Variants in AFF4 observed in about 807,000 individuals in gnomAD.
The protein encoded by AFF4 is ALF transcription elongation factor 4, also known as AF4/FMR2 family member 4.
A neutral mutation model predicts 124.8 loss-of-function variants in AFF4; 13 were observed. That is an observed-to-expected ratio of 0.10 (90% CI 0.07 to 0.17). The LOEUF (loss-of-function observed/expected upper bound fraction) is 0.17, where lower values mean the gene tolerates loss of function less well. Ranked by LOEUF, AFF4 falls within the 10% of genes least tolerant of loss-of-function variation. AFF4 has a pLI of 1.00. For missense variants in AFF4, 1,092 were observed against 1,403.8 expected (o/e 0.78, Z 3.55); for synonymous variants, 477 against 496.1 (o/e 0.96, Z 0.51).
At chr5:132,921,862 C>A (rs1761056633) in intron 5 of AFF4, among the ~76,000 whole-genome samples, 3 of 152,012 alleles carry the variant, frequency 2.0e-5, no homozygotes, top group Admixed American at 2.0e-4. Context: ...CTCACTGCAG[C>A]CTCAACCAGC....
chr5:132,916,238 CAAAAAAAAAAAAAAA>C lies in AFF4; in HGVS notation c.1050+10868_1050+10882del, dbSNP rs70974061. On this transcript the variant is annotated intron_variant, in intron 5 of 20. Transcript: ENST00000265343. ...TGGGTGACAGAGTAAGATGCTGTCT[CAAAAAAAAAAAAAAA>C]AAAAAAAAAAAAAGAATCACTTAAG... Among the ~76,000 whole-genome samples, 39 of 50,686 alleles carry C rather than the reference CAAAAAAAAAAAAAAA, an allele frequency of 7.7e-4. No individual in the cohort carries two copies. In the South Asian group the frequency reaches 0.027, roughly 35 times the overall value. The allele number at this position is 50,686 out of a possible 152,430, so 33.3% of individuals were successfully genotyped here.
At chr5:132,955,795 A>AATATAT (rs966690877) in intron 1 of AFF4, among the ~76,000 whole-genome samples, 48 of 117,504 alleles carry the variant, frequency 4.1e-4, no homozygotes, top group African/African-American at 1.4e-3. Flanking sequence ...AAAAAAAAAA[A>AATATAT]ATATATATAT....
At chr5:132,909,074 A>T (rs1335118518) in intron 5 of AFF4, among the ~76,000 whole-genome samples, 3 of 151,392 alleles carry the variant, frequency 2.0e-5, no homozygotes, top group African/African-American at 7.3e-5. Flanking sequence ...CAGCCGCTCA[A>T]GCATATCTTT....
intron 1 of AFF4, among the ~76,000 whole-genome samples, chr5:132,950,488 T>C (rs928444805): frequency 1.4e-5 from 2 of 147,070 alleles, no homozygotes; most frequent in East Asian, 2.0e-4. Flanking sequence ...AATAAATAAA[T>C]AAACAAGCAA....
intron 19 of AFF4, 65 bp from the exon 20 acceptor site, chr5:132,883,625 C>G (rs2150063822): frequency 7.3e-7 from 1 of 1,378,350 alleles, no homozygotes; most frequent in East Asian, 2.4e-5. Context: ...TCAAGTACTA[C>G]TAGCTCTTTC....
At chr5:132,949,698 A>ACGCGCG (rs1435946647) in intron 1 of AFF4, among the ~76,000 whole-genome samples, 7 of 142,036 alleles carry the variant, frequency 4.9e-5, no homozygotes, top group African/African-American at 2.0e-4. Context: ...ACACACACAC[A>ACGCGCG]CACGCGCGCG....
intron 1 of AFF4, among the ~76,000 whole-genome samples, chr5:132,952,494 C>T (rs192120074): frequency 6.6e-6 from 1 of 152,354 alleles, no homozygotes; most frequent in East Asian, 1.9e-4. Flanking sequence ...CTGGCTCTTC[C>T]CATCCTACCT....
chr5:132,885,484 G>C (rs1480884613), intron 18 of AFF4, among the ~76,000 whole-genome samples: 2 of 131,606 alleles, frequency 1.5e-5, no homozygotes, highest in Non-Finnish European at 3.2e-5. Context: ...TGGGTGGGTG[G>C]GTGGGGAGAG....
At chr5:132,926,914 C>A (rs904110248) in intron 5 of AFF4, 5 of 479,346 alleles carry the variant, frequency 1.0e-5, no homozygotes, top group East Asian at 7.8e-5. Context: ...TTTCTTAATA[C>A]CTCTTGATCC....
chr5:132,886,853 T>G (rs1037451967), intron 17 of AFF4, among the ~76,000 whole-genome samples: 1 of 152,218 alleles, frequency 6.6e-6, no homozygotes, highest in Admixed American at 6.5e-5. Context: ...TGGTCTTCTT[T>G]TAGTTCCTTG....
chr5:132,905,612 G>A (rs1004743438), intron 5 of AFF4, among the ~76,000 whole-genome samples: 4 of 151,782 alleles, frequency 2.6e-5, no homozygotes, highest in Admixed American at 6.6e-5. Flanking sequence ...AATATCCATG[G>A]GCAAAATAAA....
intron 4 of AFF4, among the ~76,000 whole-genome samples, chr5:132,928,376 A>T (rs1372846538): frequency 6.6e-6 from 1 of 152,136 alleles, no homozygotes; most frequent in African/African-American, 2.4e-5. Context: ...CCAAAAAAAT[A>T]TTTCCACAAG....
intron 5 of AFF4, among the ~76,000 whole-genome samples, chr5:132,912,887 G>T (rs1423091973): frequency 6.7e-6 from 1 of 148,264 alleles, no homozygotes; most frequent in African/African-American, 2.5e-5. Context: ...ACACACAAAA[G>T]GGCTGATGAG....
chr5:132,944,574 G>C (rs1240602287), intron 1 of AFF4, among the ~76,000 whole-genome samples: 5 of 152,168 alleles, frequency 3.3e-5, no homozygotes, highest in Non-Finnish European at 7.3e-5. Context: ...TTGAGCCTGA[G>C]AGGTGGAAGT....
intron 1 of AFF4, among the ~76,000 whole-genome samples, chr5:132,954,240 ATTAG>A (rs754647622): frequency 6.6e-6 from 1 of 152,246 alleles, no homozygotes; most frequent in Non-Finnish European, 1.5e-5. Context: ...ATCATCAGGC[ATTAG>A]TTAGATTCTC....
chr5:132,889,910 T>C (rs1461735316), intron 13 of AFF4, among the ~76,000 whole-genome samples: 1 of 152,102 alleles, frequency 6.6e-6, no homozygotes, highest in Non-Finnish European at 1.5e-5. Context: ...GCCGGGACCA[T>C]GGGCATGTAC....
chr5:132,962,888 G>A (rs556829339), intron 1 of AFF4, among the ~76,000 whole-genome samples: 2 of 150,870 alleles, frequency 1.3e-5, no homozygotes, highest in Non-Finnish European at 2.9e-5. Context: ...GCTGGGTAAT[G>A]TTAGCCAGAA....
At chr5:132,914,499 G>T (rs1342583066) in intron 5 of AFF4, among the ~76,000 whole-genome samples, 2 of 150,936 alleles carry the variant, frequency 1.3e-5, no homozygotes, top group Non-Finnish European at 3.0e-5. Flanking sequence ...TACTCAGGAG[G>T]CTGAGGCAGG....
At chr5:132,898,490 CTT>C (rs34333760) in intron 9 of AFF4, 98 bp from the exon 10 acceptor site, 17,426 of 964,454 alleles carry the variant, frequency 0.018, no homozygotes, top group South Asian at 0.028. Context: ...TTCTTCTTGT[CTT>C]TTTTTTTTTT....
Sources: gnomAD v4.1 joint callset for allele counts (sites outside exome capture counted in the v4.1 genomes callset) on GRCh38, gnomAD v4.1.1 for gene constraint, MANE v1.5 for transcripts, NCBI Gene and HGNC (gene_info 2026-07-23, HGNC 2026-07-21) for gene names.